The following RAD54L2 variants were observed in gnomAD, a reference collection of about 807,000 sequenced individuals.
RAD54L2 encodes the protein RAD54 like 2, also known as helicase ARIP4.
RAD54L2 carries 27 observed loss-of-function variants against 138.4 expected under a neutral mutation model. The ratio of observed to expected loss-of-function variants is 0.20; its 90% confidence interval spans 0.14 to 0.27. The LOEUF (loss-of-function observed/expected upper bound fraction) is 0.27, where lower values mean the gene tolerates loss of function less well. Ranked by LOEUF, RAD54L2 falls within the 10% of genes least tolerant of loss-of-function variation. The pLI is 1.00. For synonymous variants in RAD54L2, 644 were observed against 723.2 expected, an observed-to-expected ratio of 0.89 and a Z score of 1.76; for missense variants, 1,396 against 1,890.2, an observed-to-expected ratio of 0.74 and a Z score of 4.85.
At chr3:51,610,657 A>AAAAAAAAAAAC (rs1180965179) in intron 3 of RAD54L2, among the ~76,000 whole-genome samples, 54 of 151,272 alleles carry the variant, frequency 3.6e-4, no homozygotes, top group African/African-American at 1.2e-3. Context: ...AAAAAAAAAA[A>AAAAAAAAAAAC]CAGAAAGAAT....
At chr3:51,653,911 C>G (rs541385894) in intron 19 of RAD54L2, among the ~76,000 whole-genome samples, 3 of 152,214 alleles carry the variant, frequency 2.0e-5, no homozygotes, top group African/African-American at 7.2e-5. Context: ...TGCATGTGTA[C>G]CCTGGAACTT....
chr3:51,602,175 A>AT (rs1700095641), intron 3 of RAD54L2, among the ~76,000 whole-genome samples: 1 of 151,664 alleles, frequency 6.6e-6, no homozygotes, highest in South Asian at 2.1e-4. Flanking sequence ...TTGTTTTTTT[A>AT]TTTTTGTTTT....
At chr3:51,578,440 G>C (rs1405430843) in intron 2 of RAD54L2, among the ~76,000 whole-genome samples, 1 of 152,182 alleles carries the variant, frequency 6.6e-6, no homozygotes, top group African/African-American at 2.4e-5. Context: ...GGGGTATGTT[G>C]GCCAAGGGAG....
At chr3:51,591,307 T>G (rs1334397680) in intron 3 of RAD54L2, among the ~76,000 whole-genome samples, 1 of 152,226 alleles carries the variant, frequency 6.6e-6, no homozygotes, top group East Asian at 1.9e-4. Flanking sequence ...TTTAGTTGTT[T>G]GTAAGCTTCC....
chr3:51,630,165 A>G, intron 5 of RAD54L2, 107 bp from the exon 6 acceptor site: 1 of 787,930 alleles, frequency 1.3e-6, no homozygotes, highest in South Asian at 1.6e-5. Context: ...CTCAGTGGAT[A>G]CTCCCCATGA....
At chr3:51,641,715 G>C in intron 14 of RAD54L2, 34 bp from the exon 15 acceptor site, 1 of 1,403,618 alleles carries the variant, frequency 7.1e-7, no homozygotes, top group East Asian at 2.5e-5. Context: ...CCTCAATTCT[G>C]GGAGCCATCT....
At chr3:51,626,734 C>T (rs752343652) in intron 3 of RAD54L2, among the ~76,000 whole-genome samples, 14 of 151,882 alleles carry the variant, frequency 9.2e-5, no homozygotes, top group Admixed American at 2.6e-4. Context: ...CATGAGCCAC[C>T]GCGCCCAGCC....
chr3:51,609,542 A>C (rs772070971), intron 3 of RAD54L2, among the ~76,000 whole-genome samples: 2 of 152,176 alleles, frequency 1.3e-5, no homozygotes, highest in African/African-American at 2.4e-5. Context: ...GGGCTATAGC[A>C]ATATTCTTTA....
chr3:51,560,584 C>T (rs960423341), intron 2 of RAD54L2, among the ~76,000 whole-genome samples: 1 of 151,970 alleles, frequency 6.6e-6, no homozygotes, highest in African/African-American at 2.4e-5. Flanking sequence ...GCTGCGATCT[C>T]CTGACCTCAT....
At chr3:51,630,436 C>G in intron 6 of RAD54L2, 48 bp downstream of exon 6, 1 of 1,512,522 alleles carries the variant, frequency 6.6e-7, no homozygotes. Flanking sequence ...GGTGTTCATG[C>G]TGAGATCGGC....
chr3:51,572,992 T>C (rs919595047), intron 2 of RAD54L2, among the ~76,000 whole-genome samples: 6 of 152,096 alleles, frequency 3.9e-5, no homozygotes, highest in Admixed American at 2.0e-4. Context: ...GATATGTGTG[T>C]GTGTGTATGT....
intron 3 of RAD54L2, among the ~76,000 whole-genome samples, chr3:51,606,432 A>C (rs1700181462): frequency 6.6e-6 from 1 of 152,138 alleles, no homozygotes. Flanking sequence ...TGGACATGAG[A>C]AAAGGCAAGG....
intron 21 of RAD54L2, among the ~76,000 whole-genome samples, chr3:51,658,266 A>G (rs538042042): frequency 1.8e-4 from 27 of 152,138 alleles, no homozygotes; most frequent in Admixed American, 1.8e-3. Context: ...TTGGGATGGG[A>G]CAAGTAGACA....
rs531188264 is a variant in RAD54L2 at position 51,643,743 on chromosome 3, C to T, written c.2351-132C>T. 29 of 721,110 alleles carry T rather than the reference C, an allele frequency of 4.0e-5. 1 individual carries two copies. Among genetic ancestry groups the T allele is most frequent in the South Asian group, 3.5e-4 (21 of 60,618 alleles). The allele number at this position is 721,110 out of a possible 1,614,324, so 44.7% of individuals were successfully genotyped here. A position where few individuals can be genotyped will look rare whatever the true frequency, so the allele number is the denominator to read the frequency against. ...CCTTACTTACTGTAGACCCATGATA[C>T]GTCCAAGGGGTGAGATCTGAGCACT... On this transcript the variant is annotated intron_variant, in intron 15 of 22. Transcript: ENST00000684192.
Position 51,590,431 on chromosome 3 carries a change from A to T in RAD54L2, c.11A>T (p.Glu4Val), listed in dbSNP as rs1393533104. Residue 4 changes from glutamate (E) to valine (V), a missense_variant, in exon 3 of 23, where the codon GAA (glutamate) becomes GTA (valine). Glu to Val is a moderately radical substitution (Grantham distance 121). This residue lies in a region of RAD54L2 where 256 missense variants were observed against 344.6 expected (regional missense o/e 0.74). Coordinates refer to ENST00000684192, the MANE Select transcript of RAD54L2 (RefSeq NM_015106.4). MSDESASGSDPDLD... is the reference protein window; with the variant it reads MSDVSASGSDPDLD... ...GGACCTCTGGGAGCCATGTCAGACG[A>T]ATCTGCCTCAGGGAGCGATCCAGAC... 1 of 1,541,470 alleles carries T rather than the reference A, an allele frequency of 6.5e-7. No homozygotes were observed. The highest frequency in any genetic ancestry group is 8.8e-7 in the Non-Finnish European group (1 of 1,140,428).
intron 2 of RAD54L2, among the ~76,000 whole-genome samples, chr3:51,574,756 A>G (rs1233711554): frequency 6.6e-6 from 1 of 152,206 alleles, no homozygotes; most frequent in Non-Finnish European, 1.5e-5. Context: ...GCCCTTTGTC[A>G]GATGGGTAGA....
At chr3:51,620,737 T>G (rs1415771185) in intron 3 of RAD54L2, among the ~76,000 whole-genome samples, 1 of 152,178 alleles carries the variant, frequency 6.6e-6, no homozygotes, top group Non-Finnish European at 1.5e-5. Flanking sequence ...CTGGCTCACG[T>G]GAAGGAGAAA....
At chr3:51,576,447 G>T (rs1219612509) in intron 2 of RAD54L2, among the ~76,000 whole-genome samples, 3 of 152,164 alleles carry the variant, frequency 2.0e-5, no homozygotes, top group Non-Finnish European at 4.4e-5. Flanking sequence ...TGTACCTCTA[G>T]TAGGATTCGG....
chr3:51,572,206 T>C (rs1699352233), intron 2 of RAD54L2, among the ~76,000 whole-genome samples: 1 of 152,128 alleles, frequency 6.6e-6, no homozygotes, highest in Admixed American at 6.6e-5. Flanking sequence ...CTAAGCACTT[T>C]GGGAGGCCGA....
Sources: gnomAD v4.1 joint callset for allele counts (sites outside exome capture counted in the v4.1 genomes callset) on GRCh38, gnomAD v4.1.1 for gene constraint, gnomAD v4.1.1 regional missense constraint, MANE v1.5 for transcripts, NCBI Gene and HGNC (gene_info 2026-07-23, HGNC 2026-07-21) for gene names.